PTPRD: variants seen among roughly 807,000 people sequenced by gnomAD.
PTPRD encodes protein tyrosine phosphatase receptor type D, also known as receptor-type tyrosine-protein phosphatase delta.
PTPRD carries 34 observed loss-of-function variants against 214.5 expected under a neutral mutation model. The observed-to-expected ratio is 0.16, with a 90% confidence interval of 0.12 to 0.21. The LOEUF is 0.21. PTPRD is among the 10% of genes least tolerant of loss of function. PTPRD has a pLI of 1.00. For synonymous variants in PTPRD, 1,128 were observed against 845.7 expected (o/e 1.33, Z -5.79); for missense variants, 2,545 against 2,398.7 (o/e 1.06, Z -1.27).
rs182853251 is a variant in PTPRD, at chr9:10,508,992, G to A, written c.-600+103406C>T. Reference sequence around the variant, plus strand: ...ATATAAATTGGAGGCATATAATGTCGATATGTGTTTTTAGTGATACTAACT... The same window carrying A: ...ATATAAATTGGAGGCATATAATGTCAATATGTGTTTTTAGTGATACTAACT... On this transcript the variant is annotated intron_variant, in intron 2 of 45. Transcript: ENST00000381196. Among the ~76,000 whole-genome samples the A allele has an allele frequency of 1.5e-3, 233 of 151,964 alleles. 1 individual carries two copies. Among genetic ancestry groups the A allele is most frequent in the African/African-American group, 2.6e-3 (109 of 41,486 alleles).
chr9:10,446,326 G>C (rs569144110), intron 2 of PTPRD, among the ~76,000 whole-genome samples: 2 of 151,714 alleles, frequency 1.3e-5, no homozygotes, highest in South Asian at 4.2e-4. Flanking sequence ...TAGCTCCATG[G>C]AATATTCAAA....
intron 9 of PTPRD, among the ~76,000 whole-genome samples, chr9:9,372,136 G>C (rs896093717): frequency 2.0e-5 from 3 of 152,078 alleles, no homozygotes; most frequent in South Asian, 2.1e-4. Flanking sequence ...GGTCCGCTTG[G>C]TGCAGAGCTG....
At chr9:10,186,958 C>G (rs1039100766) in intron 3 of PTPRD, among the ~76,000 whole-genome samples, 2 of 152,148 alleles carry the variant, frequency 1.3e-5, no homozygotes, top group Non-Finnish European at 2.9e-5. Flanking sequence ...AGTCCTATTA[C>G]TCACTCATCA....
chr9:10,298,574 T>C (rs900205677), intron 3 of PTPRD, among the ~76,000 whole-genome samples: 14 of 152,134 alleles, frequency 9.2e-5, no homozygotes, highest in African/African-American at 3.4e-4. Context: ...AAATATTTAG[T>C]TTTTGTTATC....
chr9:9,727,759 C>T (rs2098119659), intron 7 of PTPRD, among the ~76,000 whole-genome samples: 1 of 152,120 alleles, frequency 6.6e-6, no homozygotes, highest in African/African-American at 2.4e-5. Flanking sequence ...GAATGCTATC[C>T]TGATGGTGAA....
intron 3 of PTPRD, among the ~76,000 whole-genome samples, chr9:10,154,747 C>G (rs1167232982): frequency 7.1e-6 from 1 of 140,088 alleles, no homozygotes; most frequent in African/African-American, 2.9e-5. Context: ...TATTGAAGAT[C>G]AGATGGCTGT....
intron 4 of PTPRD, among the ~76,000 whole-genome samples, chr9:10,015,402 CTA>C (rs1234384636): frequency 8.4e-6 from 1 of 118,854 alleles, no homozygotes; most frequent in African/African-American, 2.5e-5. Context: ...GTCAATGTGT[CTA>C]TGTGAAAATA....
At chr9:10,586,250 T>G (rs1383340004) in intron 2 of PTPRD, among the ~76,000 whole-genome samples, 2 of 151,996 alleles carry the variant, frequency 1.3e-5, no homozygotes, top group South Asian at 2.1e-4. Context: ...TATCTACAAT[T>G]AAATGGCATG....
intron 8 of PTPRD, among the ~76,000 whole-genome samples, chr9:9,453,199 T>A (rs988936937): frequency 1.3e-5 from 2 of 151,578 alleles, no homozygotes; most frequent in Non-Finnish European, 3.0e-5. Flanking sequence ...CGGACATATT[T>A]GTTAGTATGG....
chr9:9,618,430 AGCAATTG>A (rs1321103041), intron 7 of PTPRD, among the ~76,000 whole-genome samples: 1 of 152,142 alleles, frequency 6.6e-6, no homozygotes, highest in East Asian at 1.9e-4. Flanking sequence ...TAGCTACATC[AGCAATTG>A]GCTTTGCCAA....
chr9:8,619,147 G>C (rs773767007), intron 14 of PTPRD, among the ~76,000 whole-genome samples: 27 of 151,912 alleles, frequency 1.8e-4, no homozygotes, highest in Admixed American at 1.3e-4. Flanking sequence ...TTGTGAAATA[G>C]TTAAATCTTG....
intron 5 of PTPRD, among the ~76,000 whole-genome samples, chr9:9,777,398 T>C (rs2098807022): frequency 6.6e-6 from 1 of 151,806 alleles, no homozygotes; most frequent in South Asian, 2.1e-4. Context: ...CTATTTAAGA[T>C]AAATATATAA....
intron 3 of PTPRD, among the ~76,000 whole-genome samples, chr9:10,131,630 G>A (rs1046904960): frequency 3.9e-5 from 6 of 151,938 alleles, no homozygotes; most frequent in Non-Finnish European, 7.4e-5. Context: ...TATATATGAA[G>A]GAAGATGTAA....
In PTPRD at chr9:8,704,848, G is replaced by A. The variant is rs150231553; in HGVS notation, c.64+28932C>T. ...TGAGGCAGGAGAATCATGTGAACCC[G>A]GGAGGTGGAGGTTGCAGTGAGCCAA... On this transcript the variant is annotated intron_variant, in intron 12 of 45. Transcript: ENST00000381196. Among the ~76,000 whole-genome samples the A allele has an allele frequency of 3.3e-3, 497 of 152,042 alleles. 6 individuals carry two copies. Among genetic ancestry groups the A allele is most frequent in the African/African-American group, 0.011 (471 of 41,490 alleles).
chr9:8,744,121 G>A (rs546013004), intron 11 of PTPRD, among the ~76,000 whole-genome samples: 3 of 152,212 alleles, frequency 2.0e-5, no homozygotes, highest in African/African-American at 4.8e-5. Context: ...TGCAACAATG[G>A]TCATAATCGA....
At chr9:9,610,626 G>C (rs1233099978) in intron 7 of PTPRD, among the ~76,000 whole-genome samples, 1 of 152,046 alleles carries the variant, frequency 6.6e-6, no homozygotes, top group African/African-American at 2.4e-5. Context: ...GGTCTACAGG[G>C]GATGTTTGAA....
intron 3 of PTPRD, among the ~76,000 whole-genome samples, chr9:10,071,436 T>C (rs2098013538): frequency 6.6e-6 from 1 of 151,918 alleles, no homozygotes; most frequent in Admixed American, 6.6e-5. Context: ...TGCATATCAA[T>C]GAAACAGAAT....
intron 5 of PTPRD, among the ~76,000 whole-genome samples, chr9:9,823,133 G>C (rs1187756751): frequency 6.6e-6 from 1 of 152,064 alleles, no homozygotes; most frequent in Non-Finnish European, 1.5e-5. Context: ...GGCCATTCTT[G>C]CATTGCTATA....
chr9:10,070,858 T>G (rs2097995516), intron 3 of PTPRD, among the ~76,000 whole-genome samples: 1 of 151,960 alleles, frequency 6.6e-6, no homozygotes, highest in Non-Finnish European at 1.5e-5. Context: ...ATTACCTTAT[T>G]TTGTAGATTA....
Sources: gnomAD v4.1 joint callset for allele counts (sites outside exome capture counted in the v4.1 genomes callset) on GRCh38, gnomAD v4.1.1 for gene constraint, MANE v1.5 for transcripts, NCBI Gene and HGNC (gene_info 2026-07-23, HGNC 2026-07-21) for gene names.